The following HSD17B12 variants were observed in gnomAD, a reference collection of about 807,000 sequenced individuals.
HSD17B12 encodes hydroxysteroid 17-beta dehydrogenase 12.
HSD17B12 carries 32 observed loss-of-function variants against 39.3 expected under a neutral mutation model. That is an observed-to-expected ratio of 0.81 (90% CI 0.61 to 1.09). The LOEUF is 1.09. Among genes scored for constraint, HSD17B12 ranks in the 50% least tolerant of loss-of-function variants. The probability of loss-of-function intolerance (pLI) is 0.00; values close to 1 mark genes in which losing one functional copy is unlikely to be tolerated. For synonymous variants in HSD17B12, 150 were observed against 146.7 expected, an observed-to-expected ratio of 1.02 and a Z score of -0.16; for missense variants, 342 against 382.9, an observed-to-expected ratio of 0.89 and a Z score of 0.89.
intron 1 of HSD17B12, among the ~76,000 whole-genome samples, chr11:43,692,428 G>A (rs1949871131): frequency 6.6e-6 from 1 of 152,276 alleles, no homozygotes; most frequent in South Asian, 2.1e-4. Context: ...TCAAAAAGAT[G>A]TCCTTGAATA....
intron 9 of HSD17B12, among the ~76,000 whole-genome samples, chr11:43,842,643 A>G (rs1951437759): frequency 6.6e-6 from 1 of 152,230 alleles, no homozygotes; most frequent in South Asian, 2.1e-4. Flanking sequence ...AGAAGCTATT[A>G]CATTCCATGA....
At chr11:43,699,565 GA>G (rs1215292130) in intron 1 of HSD17B12, among the ~76,000 whole-genome samples, 1 of 152,080 alleles carries the variant, frequency 6.6e-6, no homozygotes, top group East Asian at 1.9e-4. Flanking sequence ...ATGTATATTT[GA>G]AAATTGTGAA....
chr11:43,559,521 A>C, the HSD17B12 span: 1 of 154,636 alleles, frequency 6.5e-6, no homozygotes, highest in Admixed American at 6.5e-5. Flanking sequence ...AACAGTATGC[A>C]TGTGGGTACC....
intron 4 of HSD17B12, among the ~76,000 whole-genome samples, chr11:43,810,402 T>TATATATATATATATATATATAA (rs1243655702): frequency 1.4e-5 from 1 of 70,166 alleles, no homozygotes; most frequent in African/African-American, 6.2e-5. Flanking sequence ...TATATATATA[T>TATATATATATATATATATATAA]AAAATTCAGA....
chr11:43,663,050 AT>A, the HSD17B12 span, among the ~76,000 whole-genome samples: 1 of 29,788 alleles, frequency 3.4e-5, no homozygotes, highest in East Asian at 2.7e-3. Context: ...TTTAAAAAAA[AT>A]TTTTTTGAGA....
intron 6 of HSD17B12, among the ~76,000 whole-genome samples, chr11:43,820,371 C>T (rs973625533): frequency 6.6e-6 from 1 of 152,150 alleles, no homozygotes; most frequent in African/African-American, 2.4e-5. Flanking sequence ...ATTTGTGTGA[C>T]GCTCCCAGGT....
intron 3 of HSD17B12, among the ~76,000 whole-genome samples, chr11:43,791,511 G>A (rs1312900327): frequency 3.3e-5 from 5 of 151,476 alleles, no homozygotes; most frequent in Admixed American, 2.0e-4. Flanking sequence ...CAGTCTGGGT[G>A]ACAGAGTGAG....
intron 1 of HSD17B12, among the ~76,000 whole-genome samples, chr11:43,725,929 T>C (rs1439803870): frequency 6.6e-6 from 1 of 152,188 alleles, no homozygotes; most frequent in Non-Finnish European, 1.5e-5. Context: ...CAGTGCTTTG[T>C]TAATCATCAA....
intron 9 of HSD17B12, among the ~76,000 whole-genome samples, chr11:43,851,253 A>G (rs1009574908): frequency 3.9e-5 from 6 of 152,196 alleles, no homozygotes; most frequent in African/African-American, 1.4e-4. Flanking sequence ...TGAGCTGGCA[A>G]TATTTGTAAT....
Position 43,754,138 on chromosome 11 carries a change from A to G in HSD17B12, c.283+17A>G, listed in dbSNP as rs760420327. On this transcript the variant is annotated intron_variant, in intron 3 of 10. Coordinates refer to ENST00000278353, the MANE Select transcript of HSD17B12 (RefSeq NM_016142.3). The stretch of plus-strand genomic sequence containing the variant: ...GTGAAATAAGTAAGTTCTCACATCA[A>G]ACAAAAGGAATACATAGCTAATTAA... 1.3e-6 allele frequency: 2 copies of G among 1,528,794 alleles called. No homozygotes were observed. The highest frequency in any genetic ancestry group is 2.3e-5 in the East Asian group (1 of 44,348). 94.7% of individuals were successfully genotyped at this position (1,528,794 alleles called of 1,614,324 possible).
intron 4 of HSD17B12, among the ~76,000 whole-genome samples, chr11:43,807,950 T>C (rs1951034530): frequency 6.6e-6 from 1 of 152,232 alleles, no homozygotes. Context: ...GATATTGATA[T>C]TTCTATGCCC....
At chr11:43,602,382 A>G in the HSD17B12 span, among the ~76,000 whole-genome samples, 6 of 152,262 alleles carry the variant, frequency 3.9e-5, no homozygotes, top group Admixed American at 2.6e-4. Flanking sequence ...ATCAAGGTAC[A>G]GTGTGAATCT....
intron 3 of HSD17B12, among the ~76,000 whole-genome samples, chr11:43,767,502 CAAGTG>C (rs1198888124): frequency 6.6e-6 from 1 of 152,134 alleles, no homozygotes; most frequent in Non-Finnish European, 1.5e-5. Flanking sequence ...ATTTTTCCAT[CAAGTG>C]AAGTTAAATA....
At chr11:43,578,076 G>C in the HSD17B12 span, among the ~76,000 whole-genome samples, 1 of 152,206 alleles carries the variant, frequency 6.6e-6, no homozygotes, top group East Asian at 1.9e-4. Context: ...TTAACTCCAG[G>C]AGAGGGAGAA....
intron 4 of HSD17B12, among the ~76,000 whole-genome samples, chr11:43,802,820 C>T (rs1312487055): frequency 1.3e-5 from 2 of 152,116 alleles, no homozygotes; most frequent in Non-Finnish European, 2.9e-5. Context: ...GTTGATAAAC[C>T]CTGCTTTAAA....
intron 3 of HSD17B12, among the ~76,000 whole-genome samples, chr11:43,761,720 C>T (rs1334725807): frequency 1.3e-5 from 2 of 152,252 alleles, no homozygotes; most frequent in African/African-American, 2.4e-5. Context: ...AGAACACCTA[C>T]ATGTAGCCTC....
At chr11:43,698,497 G>A (rs1373819858) in intron 1 of HSD17B12, among the ~76,000 whole-genome samples, 1 of 152,184 alleles carries the variant, frequency 6.6e-6, no homozygotes, top group Non-Finnish European at 1.5e-5. Context: ...TGCTATAGTT[G>A]GGTCAATCCG....
chr11:43,606,117 G>T, the HSD17B12 span, among the ~76,000 whole-genome samples: 329 of 152,324 alleles, frequency 2.2e-3, 3 homozygotes, highest in African/African-American at 7.5e-3. Flanking sequence ...AGGTAGAAGG[G>T]CCTGGTCTAT....
At chr11:43,734,154 A>G in intron 1 of HSD17B12, 1 of 1,565,158 alleles carries the variant, frequency 6.4e-7, no homozygotes, top group Non-Finnish European at 8.7e-7. Flanking sequence ...GCACGCTTTG[A>G]TGCTGGAGAA....
Sources: allele counts gnomAD v4.1 joint callset (sites outside exome capture counted in the v4.1 genomes callset), GRCh38; gene constraint gnomAD v4.1.1; transcripts MANE v1.5; gene names NCBI Gene and HGNC (gene_info 2026-07-23, HGNC 2026-07-21).